Variants in MDGA2 observed in about 807,000 individuals in gnomAD.
MDGA2 encodes the protein MAM domain containing glycosylphosphatidylinositol anchor 2, also known as MAM domain-containing glycosylphosphatidylinositol anchor protein 2.
Under a neutral mutation model 117.8 loss-of-function variants are expected in MDGA2, and 40 were observed. The observed-to-expected ratio is 0.34, with a 90% CI of 0.26 to 0.44. The LOEUF (loss-of-function observed/expected upper bound fraction) is 0.44, where lower values mean the gene tolerates loss of function less well. Among genes scored for constraint, MDGA2 ranks in the 20% least tolerant of loss-of-function variants. MDGA2 has a pLI of 1.00. For synonymous variants in MDGA2, 452 were observed against 439.0 expected (o/e 1.03, Z -0.37); for missense variants, 1,123 against 1,250.6 (o/e 0.90, Z 1.54).
chr14:47,357,924 G>T (rs1891031904), intron 1 of MDGA2, among the ~76,000 whole-genome samples: 1 of 152,142 alleles, frequency 6.6e-6, no homozygotes, highest in Non-Finnish European at 1.5e-5. Flanking sequence ...ATGACCTCCA[G>T]CTCTAAGAAT....
chr14:47,201,088 ACCTGCACCTCCG>A, intron 3 of MDGA2: 3 of 936,626 alleles, frequency 3.2e-6, no homozygotes, highest in Non-Finnish European at 5.3e-6. Context: ...AAGCACCAAG[ACCTGCACCTCCG>A]CCATCTTCGG....
At chr14:47,019,980 GTAA>G (rs1888228565) in intron 8 of MDGA2, among the ~76,000 whole-genome samples, 1 of 152,078 alleles carries the variant, frequency 6.6e-6, no homozygotes, top group African/African-American at 2.4e-5. Context: ...TAGGTTCAGC[GTAA>G]TTGGATGAAT....
At chr14:47,005,280 T>C (rs1026623440) in intron 8 of MDGA2, among the ~76,000 whole-genome samples, 1 of 151,580 alleles carries the variant, frequency 6.6e-6, no homozygotes. Context: ...CTATGTCTAG[T>C]TATCTAAGAG....
chr14:47,197,618 A>T (rs956587080), intron 3 of MDGA2, among the ~76,000 whole-genome samples: 8 of 152,294 alleles, frequency 5.3e-5, no homozygotes, highest in Admixed American at 5.2e-4. Context: ...AGATTAGAAA[A>T]AAGTACTGTA....
At chr14:47,640,727 T>C (rs1214511619) in intron 1 of MDGA2, among the ~76,000 whole-genome samples, 2 of 152,104 alleles carry the variant, frequency 1.3e-5, no homozygotes, top group Non-Finnish European at 2.9e-5. Context: ...AACATGCTTA[T>C]CCCTCTGCAC....
chr14:47,662,320 T>C (rs1161113279), intron 1 of MDGA2, among the ~76,000 whole-genome samples: 2 of 152,126 alleles, frequency 1.3e-5, no homozygotes, highest in Non-Finnish European at 2.9e-5. Context: ...ACATGTAATA[T>C]GTATTTTTTA....
chr14:47,239,711 A>G (rs1886977400), intron 2 of MDGA2, among the ~76,000 whole-genome samples: 1 of 151,976 alleles, frequency 6.6e-6, no homozygotes, highest in African/African-American at 2.4e-5. Context: ...TCAATGCTTA[A>G]CAAATGAGAT....
intron 14 of MDGA2, among the ~76,000 whole-genome samples, chr14:46,858,547 C>T (rs1881377010): frequency 6.6e-6 from 1 of 151,472 alleles, no homozygotes; most frequent in Non-Finnish European, 1.5e-5. Flanking sequence ...CCTGCCTCAG[C>T]CTCCCGAGTA....
intron 5 of MDGA2, among the ~76,000 whole-genome samples, chr14:47,131,055 T>C (rs1882180210): frequency 6.6e-6 from 1 of 151,842 alleles, no homozygotes. Flanking sequence ...ATATGAAAAA[T>C]TGGAGTTTCT....
At chr14:47,590,780 T>G (rs1202849449) in intron 1 of MDGA2, among the ~76,000 whole-genome samples, 1 of 151,974 alleles carries the variant, frequency 6.6e-6, no homozygotes, top group Non-Finnish European at 1.5e-5. Flanking sequence ...ACAAGCCTAC[T>G]ATGTAACCAC....
At chr14:46,864,483 T>A (rs911350247) in intron 14 of MDGA2, among the ~76,000 whole-genome samples, 15 of 148,424 alleles carry the variant, frequency 1.0e-4, no homozygotes, top group Non-Finnish European at 1.9e-4. Context: ...GACTCCAAAT[T>A]GAGAGTTGTA....
chr14:47,062,712 T>G (rs888731322), intron 6 of MDGA2, among the ~76,000 whole-genome samples: 3 of 152,076 alleles, frequency 2.0e-5, no homozygotes, highest in Non-Finnish European at 4.4e-5. Flanking sequence ...AACAGCATTC[T>G]GGATAGCCCC....
intron 8 of MDGA2, among the ~76,000 whole-genome samples, chr14:47,023,257 C>A (rs1006783331): frequency 1.3e-5 from 2 of 148,398 alleles, no homozygotes; most frequent in Non-Finnish European, 3.0e-5. Flanking sequence ...GACAGCAATG[C>A]AGCAATGTTG....
intron 1 of MDGA2, among the ~76,000 whole-genome samples, chr14:47,614,371 T>G (rs1164348467): frequency 6.6e-6 from 1 of 152,150 alleles, no homozygotes; most frequent in South Asian, 2.1e-4. Context: ...ATTACAGGCA[T>G]GAGCCATCGC....
intron 1 of MDGA2, among the ~76,000 whole-genome samples, chr14:47,517,754 C>T (rs769164391): frequency 3.3e-5 from 5 of 152,090 alleles, no homozygotes; most frequent in Non-Finnish European, 7.4e-5. Flanking sequence ...ATAGCTTATA[C>T]TTAAATACAT....
At chr14:47,593,934 GGTTA>G (rs1896488947) in intron 1 of MDGA2, among the ~76,000 whole-genome samples, 4 of 152,206 alleles carry the variant, frequency 2.6e-5, no homozygotes, top group African/African-American at 9.6e-5. Context: ...CGATTTGTGA[GGTTA>G]GTTACTGCAA....
At chr14:47,652,578 C>T (rs1234611634) in intron 1 of MDGA2, among the ~76,000 whole-genome samples, 1 of 152,032 alleles carries the variant, frequency 6.6e-6, no homozygotes, top group East Asian at 1.9e-4. Context: ...TCACAAGTAA[C>T]AAGCTTATAA....
At chr14:46,971,408 G>A in intron 8 of MDGA2, among the ~76,000 whole-genome samples, 1 of 152,124 alleles carries the variant, frequency 6.6e-6, no homozygotes, top group East Asian at 1.9e-4. Context: ...TCATGCAGTA[G>A]CATGGATGAA....
chr14:47,557,058 G>A (rs1895697935), intron 1 of MDGA2, among the ~76,000 whole-genome samples: 2 of 152,192 alleles, frequency 1.3e-5, no homozygotes, highest in Admixed American at 6.5e-5. Context: ...TTCTTTGGGA[G>A]GGAACAACCA....
Sources: gnomAD v4.1 joint callset for allele counts (sites outside exome capture counted in the v4.1 genomes callset) on GRCh38, gnomAD v4.1.1 for gene constraint, MANE v1.5 for transcripts, NCBI Gene and HGNC (gene_info 2026-07-23, HGNC 2026-07-21) for gene names.